The following SATB1 variants were observed in gnomAD, a reference collection of about 807,000 sequenced individuals.
SATB1 encodes DNA-binding protein SATB1.
A neutral mutation model predicts 86.9 loss-of-function variants in SATB1; 11 were observed. The observed-to-expected ratio is 0.13, with a 90% CI of 0.08 to 0.21. The LOEUF is 0.21. Ranked by LOEUF, SATB1 falls within the 10% of genes least tolerant of loss-of-function variation. The pLI, the probability that SATB1 is intolerant of heterozygous loss-of-function variation, is 1.00. For missense variants in SATB1, 551 were observed against 937.6 expected, an observed-to-expected ratio of 0.59 and a Z score of 5.39; for synonymous variants, 357 against 357.2, an observed-to-expected ratio of 1.00 and a Z score of 0.01.
upstream of SATB1, among the ~76,000 whole-genome samples, chr3:18,443,131 T>G (rs181943044): frequency 2.6e-5 from 4 of 152,288 alleles, no homozygotes; most frequent in East Asian, 7.7e-4. The surrounding 1 kb of genome is among the most constrained non-coding windows in gnomAD (Gnocchi z 4.4). Flanking sequence ...GAGTGTAAAT[T>G]TCAACTAAGT....
At chr3:18,363,209 CA>C (rs1436902169) in intron 9 of SATB1, among the ~76,000 whole-genome samples, 1 of 152,062 alleles carries the variant, frequency 6.6e-6, no homozygotes, top group Non-Finnish European at 1.5e-5. Context: ...TAGGGAATCA[CA>C]CCCTAAGAGG....
intron 5 of SATB1, among the ~76,000 whole-genome samples, chr3:18,407,911 A>G (rs1395068524): frequency 6.6e-6 from 1 of 152,034 alleles, no homozygotes; most frequent in African/African-American, 2.4e-5. Context: ...AATACTTGTT[A>G]CATTTCTGAA....
Position 18,386,483 on chromosome 3 carries a change from C to G in SATB1, c.1335G>C (p.Gln445His). Reference protein sequence around the residue: ...LPEAERDRIYQDERERSLNAA... With the variant: ...LPEAERDRIYHDERERSLNAA... Reference sequence around the variant, plus strand: ...CATTCAAGCTCCTTTCCCTTTCGTCCTGGTATATTCGGTCTCTTTCAGCTT... The same window carrying G: ...CATTCAAGCTCCTTTCCCTTTCGTCGTGGTATATTCGGTCTCTTTCAGCTT... Residue 445 changes from glutamine to histidine, a missense_variant, in exon 8 of 11, where the codon CAG becomes CAC. Gln to His is a conservative substitution (Grantham distance 24). Coordinates refer to ENST00000338745, the MANE Select transcript of SATB1 (RefSeq NM_002971.6). The surrounding 1 kb of genome is among the most constrained non-coding windows in gnomAD (Gnocchi z 4.5). The G allele has an allele frequency of 6.2e-7, 1 of 1,614,142 alleles. No individual in the cohort carries two copies. Among genetic ancestry groups the G allele is most frequent in the Non-Finnish European group, 8.5e-7 (1 of 1,180,036 alleles).
At position 18,443,833 on chromosome 3, in the gene SATB1, G is replaced by T. The variant is rs993296579; in HGVS notation, c.-25+1685C>A. Among the ~76,000 whole-genome samples, 1 of 152,200 alleles carries T rather than the reference G, an allele frequency of 6.6e-6. No individual in the cohort carries two copies. Among genetic ancestry groups the T allele is most frequent in the South Asian group, 2.1e-4 (1 of 4,824 alleles). On this transcript the variant is annotated intron_variant, in intron 1 of 3. Coordinates refer to the SATB1 transcript ENST00000415069. The surrounding 1 kb of genome is among the most constrained non-coding windows in gnomAD (Gnocchi z 4.4). ...TGTGATGTCCCGGCCCCTGCTAAGA[G>T]GACGGCCCTTTCTTCTGCCTCTTGC...
rs1246595164 is a variant in SATB1 at position 18,444,677 on chromosome 3, G to A, written c.-25+841C>T. On this transcript the variant is annotated intron_variant, in intron 1 of 3. Transcript: ENST00000415069. This position sits in a 1 kb window ranked among gnomAD's most constrained non-coding sequence, Gnocchi z 5.1. ...TGAAACCAAGAACGGCTCCCCGGGCGGGCGCGCCGGCGTCGGACTTCCGAG... is the reference window on the plus strand; with the variant it reads ...TGAAACCAAGAACGGCTCCCCGGGCAGGCGCGCCGGCGTCGGACTTCCGAG... The A allele has an allele frequency of 1.5e-5, 15 of 983,836 alleles. No individual in the cohort carries two copies. The highest frequency in any genetic ancestry group is 1.8e-5 in the Non-Finnish European group (15 of 829,410). 60.9% of individuals were successfully genotyped at this position (983,836 alleles called of 1,614,324 possible). A position where few individuals can be genotyped will look rare whatever the true frequency, so the allele number is the denominator to read the frequency against.
intron 8 of SATB1, among the ~76,000 whole-genome samples, chr3:18,380,522 C>G (rs1347583382): frequency 6.6e-6 from 1 of 150,874 alleles, no homozygotes; most frequent in Non-Finnish European, 1.5e-5. Flanking sequence ...CCAACACAAT[C>G]AAAACAAAAG....
At chr3:18,384,078 T>C (rs914152536) in intron 8 of SATB1, among the ~76,000 whole-genome samples, 9 of 152,350 alleles carry the variant, frequency 5.9e-5, no homozygotes, top group African/African-American at 2.2e-4. Context: ...ATGTATATAC[T>C]GTATATTTTC....
rs866520205 is a variant in SATB1 at position 18,348,546 on chromosome 3, T to A, written c.*624A>T. The A allele has an allele frequency of 7.2e-5, 11 of 152,490 alleles. No individual in the cohort carries two copies. Among genetic ancestry groups the A allele is most frequent in the East Asian group, 1.9e-4 (1 of 5,200 alleles). The allele number at this position is 152,490 out of a possible 1,614,324, so 9.4% of individuals were successfully genotyped here. A position where few individuals can be genotyped will look rare whatever the true frequency, so the allele number is the denominator to read the frequency against. On this transcript the variant is annotated 3_prime_UTR_variant, in exon 11 of 11. Transcript: ENST00000338745. ...GTTTCACATTTTCTTTTCCTTTTTT[T>A]AAAAAATCATGTAACAATGAGAATG... is the stretch of plus-strand genomic sequence containing the variant.
chr3:18,401,189 T>C (rs879678864), intron 5 of SATB1, among the ~76,000 whole-genome samples: 3 of 152,164 alleles, frequency 2.0e-5, no homozygotes, highest in Non-Finnish European at 4.4e-5. Flanking sequence ...TATCCTGGAC[T>C]CATCAGAGGG....
At chr3:18,379,757 G>A (rs1695949280) in intron 8 of SATB1, among the ~76,000 whole-genome samples, 1 of 152,152 alleles carries the variant, frequency 6.6e-6, no homozygotes. Flanking sequence ...CTTTCACCAT[G>A]ATACCACCTT....
rs117418423 is a variant in SATB1 at position 18,374,851 on chromosome 3, A to G, written c.1575+3319T>C. On this transcript the variant is annotated intron_variant, in intron 9 of 10. Transcript: ENST00000338745. ...AACCTCTTGCTTAGCACATTATGAA[A>G]CGTTACCATTTGGGTATAGTGCTAT... 3.2e-4 allele frequency among the ~76,000 whole-genome samples: 49 copies of G among 152,290 alleles called. No homozygotes were observed. The East Asian group carries it at 7.7e-3, about 24-fold the overall frequency.
At chr3:18,380,078 C>G (rs915616804) in intron 8 of SATB1, among the ~76,000 whole-genome samples, 7 of 152,180 alleles carry the variant, frequency 4.6e-5, no homozygotes, top group Non-Finnish European at 7.3e-5. Flanking sequence ...AAACTTTGCT[C>G]TGGGGTGGTC....
intron 6 of SATB1, among the ~76,000 whole-genome samples, chr3:18,395,430 C>T (rs1324403975): frequency 6.6e-6 from 1 of 152,068 alleles, no homozygotes; most frequent in East Asian, 1.9e-4. Flanking sequence ...TAAAAAGTCA[C>T]CTACTTTCAA....
At chr3:18,442,239 C>T (rs1297671137), upstream of SATB1, among the ~76,000 whole-genome samples, 1 of 151,632 alleles carries the variant, frequency 6.6e-6, no homozygotes, top group Admixed American at 6.6e-5. Context: ...AATCCCTATT[C>T]GTTATTTTTT....
At position 18,421,009 on chromosome 3, in the gene SATB1, G is replaced by A. The variant is rs371006439; in HGVS notation, c.-24-18C>T. On this transcript the variant is annotated intron_variant, in intron 1 of 10. Transcript: ENST00000338745. ...AAGATCACCTGCCAGAATTTAAAAA[G>A]AAGACACGTTATAGTTGGGCGGGGA... 10 of 1,591,970 alleles carry A rather than the reference G, an allele frequency of 6.3e-6. No individual in the cohort carries two copies. The highest frequency in any genetic ancestry group is 8.6e-6 in the Non-Finnish European group (10 of 1,160,376).
intron 5 of SATB1, among the ~76,000 whole-genome samples, chr3:18,403,850 T>C (rs771574726): frequency 1.3e-5 from 2 of 152,058 alleles, no homozygotes; most frequent in Non-Finnish European, 2.9e-5. Context: ...TGGCTTTTAT[T>C]ATATTTTTAT....
rs1447166955 is a variant in SATB1, at chr3:18,346,124, A to G, written c.*3046T>C. 1.3e-5 allele frequency: 2 copies of G among 152,160 alleles called. No individual in the cohort carries two copies. The highest frequency in any genetic ancestry group is 2.9e-5 in the Non-Finnish European group (2 of 67,978). 9.4% of individuals were successfully genotyped at this position (152,160 alleles called of 1,614,324 possible). ...AGCGCCACACAACTAGGACATACAT[A>G]TTAGTTACCTTGGTTTTCAAAGGTT... On this transcript the variant is annotated 3_prime_UTR_variant, in exon 11 of 11. Coordinates refer to ENST00000338745, the MANE Select transcript of SATB1 (RefSeq NM_002971.6).
At chr3:18,390,181 G>A (rs986766033) in intron 7 of SATB1, among the ~76,000 whole-genome samples, 1 of 152,072 alleles carries the variant, frequency 6.6e-6, no homozygotes, top group South Asian at 2.1e-4. Flanking sequence ...CTGCCAATCT[G>A]AACAAAAAGG....
chr3:18,348,132 A>G lies in SATB1; in HGVS notation c.*1038T>C, dbSNP rs1425470770. The G allele has an allele frequency of 6.5e-6, 1 of 152,674 alleles. No individual in the cohort carries two copies. Among genetic ancestry groups the G allele is most frequent in the Non-Finnish European group, 1.5e-5 (1 of 68,036 alleles). The allele number at this position is 152,674 out of a possible 1,614,324, so 9.5% of individuals were successfully genotyped here. On this transcript the variant is annotated 3_prime_UTR_variant, in exon 11 of 11. Coordinates refer to ENST00000338745, the MANE Select transcript of SATB1 (RefSeq NM_002971.6). ...GAAATTTTATACAGATGTAGCTTTA[A>G]AATTGATTGTAAACCAAAGGAAGAC...
Sources: allele counts gnomAD v4.1 joint callset (sites outside exome capture counted in the v4.1 genomes callset), GRCh38; gene constraint gnomAD v4.1.1; non-coding constraint Gnocchi (gnomAD v3.1); transcripts MANE v1.5; gene names NCBI Gene and HGNC (gene_info 2026-07-23, HGNC 2026-07-21).